The following RAD17 variants were observed in gnomAD, a reference collection of about 807,000 sequenced individuals.
RAD17 encodes cell cycle checkpoint protein RAD17.
In RAD17, 31 loss-of-function variants were observed where a neutral mutation model predicts 81.5. The ratio of observed to expected loss-of-function variants is 0.38; its 90% confidence interval spans 0.29 to 0.51. RAD17 has a LOEUF of 0.51. Ranked by LOEUF, RAD17 falls within the 20% of genes least tolerant of loss-of-function variation. The probability of loss-of-function intolerance (pLI) is 0.88; values close to 1 mark genes in which losing one functional copy is unlikely to be tolerated. For synonymous variants in RAD17, 261 were observed against 266.2 expected, an observed-to-expected ratio of 0.98 and a Z score of 0.19; for missense variants, 681 against 781.2, an observed-to-expected ratio of 0.87 and a Z score of 1.53.
At chr5:69,383,093 A>G (rs1351214779) in intron 7 of RAD17, among the ~76,000 whole-genome samples, 4 of 152,130 alleles carry the variant, frequency 2.6e-5, no homozygotes, top group African/African-American at 7.2e-5. Context: ...AATAGTACCA[A>G]TTTAAAGATG....
intron 18 of RAD17, among the ~76,000 whole-genome samples, chr5:69,411,836 ATTTTTGC>A (rs1766023900): frequency 6.6e-6 from 1 of 152,160 alleles, no homozygotes; most frequent in South Asian, 2.1e-4. Context: ...GTTCTATTGT[ATTTTTGC>A]TCCTGAGATG....
At chr5:69,376,251 T>C (rs1333161094) in intron 6 of RAD17, among the ~76,000 whole-genome samples, 1 of 152,204 alleles carries the variant, frequency 6.6e-6, no homozygotes, top group Non-Finnish European at 1.5e-5. Context: ...CAGTTCTCCA[T>C]CAGTCGTCCA....
rs548815382 is a variant in RAD17 at position 69,398,856 on chromosome 5, G to A, written c.1573-1193G>A. Among the ~76,000 whole-genome samples the A allele has an allele frequency of 5.4e-5, 6 of 111,714 alleles. No individual in the cohort carries two copies. In the South Asian group the frequency reaches 2.0e-3, roughly 37 times the overall value. The allele number at this position is 111,714 out of a possible 152,430, so 73.3% of individuals were successfully genotyped here. On this transcript the variant is annotated intron_variant, in intron 16 of 18. Coordinates refer to ENST00000354868, the MANE Select transcript of RAD17 (RefSeq NM_133338.3). ...TGAATTTCTAGCTTCAGAATTTCTG[G>A]AATCTCCTGGTTAAAAAAAAAAAAA...
At chr5:69,377,695 A>ACATATATATATGCATATATATGTATG (rs1763596828) in intron 6 of RAD17, among the ~76,000 whole-genome samples, 1 of 102,182 alleles carries the variant, frequency 9.8e-6, no homozygotes, top group Non-Finnish European at 2.0e-5. Flanking sequence ...ATATATGTAT[A>ACATATATATATGCATATATATGTATG]CATATATATA....
intron 7 of RAD17, 129 bp from the exon 8 acceptor site, chr5:69,384,668 T>C: frequency 1.2e-6 from 1 of 860,900 alleles, no homozygotes; most frequent in Non-Finnish European, 1.7e-6. Flanking sequence ...ATTTAAATGA[T>C]TTTTCCTAAT....
intron 6 of RAD17, among the ~76,000 whole-genome samples, chr5:69,377,477 A>G (rs1763449607): frequency 1.2e-4 from 1 of 8,114 alleles, no homozygotes; most frequent in African/African-American, 2.0e-4. Flanking sequence ...ATATATATAC[A>G]CACACACACA....
chr5:69,395,249 T>G (rs933526522), intron 15 of RAD17, among the ~76,000 whole-genome samples: 18 of 152,158 alleles, frequency 1.2e-4, no homozygotes, highest in Admixed American at 6.5e-4. Flanking sequence ...TGGTGGTTCC[T>G]GCCAGTAATT....
At chr5:69,396,607 T>C (rs958553059) in intron 16 of RAD17, 61 bp downstream of exon 16, 89 of 1,398,572 alleles carry the variant, frequency 6.4e-5, no homozygotes, top group Non-Finnish European at 8.1e-5. Context: ...ACGTGAATTA[T>C]AACTCAAAGC....
Position 69,414,158 on chromosome 5 carries a change from C to G in RAD17, c.1879C>G (p.Pro627Ala), listed in dbSNP as rs1294058675. Residue 627 changes from proline to alanine, a missense_variant, in exon 19 of 19, where the codon CCG becomes GCG. Pro to Ala is a conservative substitution (Grantham distance 27). Transcript: ENST00000354868. Reference sequence around the variant, plus strand: ...GGGTGAACCCACTCAAGCCACTGTGCCGGAAACCTGGTCTCTTCCTTTGAG... The same window carrying G: ...GGGTGAACCCACTCAAGCCACTGTGGCGGAAACCTGGTCTCTTCCTTTGAG... ...SLGEPTQATV[P>A]ETWSLPLSQN... The G allele has an allele frequency of 6.2e-7, 1 of 1,614,108 alleles. No homozygotes were observed.
Position 69,389,160 on chromosome 5 carries a change from T to TA in RAD17, c.1006+16dup. 6.8e-7 allele frequency: 1 copy of TA among 1,470,068 alleles called. No individual in the cohort carries two copies. The highest frequency in any genetic ancestry group is 9.3e-7 in the Non-Finnish European group (1 of 1,074,716). The allele number at this position is 1,470,068 out of a possible 1,614,324, so 91.1% of individuals were successfully genotyped here. On this transcript the variant is annotated intron_variant, in intron 12 of 18. Transcript: ENST00000354868. ...TTCTTCAAAAGGTAACTATGGAAGA[T>TA]ACAGTCATGTGGCATTATATAGGTG...
At chr5:69,369,404 A>C, upstream of RAD17, 1 of 1,592,354 alleles carries the variant, frequency 6.3e-7, no homozygotes, top group Non-Finnish European at 8.5e-7. Flanking sequence ...CCCGATGCCC[A>C]GAGCACTCTG....
chr5:69,411,546 T>C (rs1580452488), intron 18 of RAD17, among the ~76,000 whole-genome samples: 3 of 152,210 alleles, frequency 2.0e-5, no homozygotes, highest in Non-Finnish European at 2.9e-5. Flanking sequence ...TGTGAGCTTT[T>C]TCCCCCTCTT....
At chr5:69,413,193 C>T (rs1239010260) in intron 18 of RAD17, among the ~76,000 whole-genome samples, 1 of 152,060 alleles carries the variant, frequency 6.6e-6, no homozygotes, top group African/African-American at 2.4e-5. Context: ...GTAATCCCCG[C>T]ACTTTGGGAG....
chr5:69,387,654 T>A (rs1764297405), intron 11 of RAD17, among the ~76,000 whole-genome samples: 2 of 152,152 alleles, frequency 1.3e-5, no homozygotes, highest in Admixed American at 1.3e-4. Context: ...GGTCAGGAGT[T>A]CATGACCAGC....
At chr5:69,378,204 C>T (rs1028490769) in intron 6 of RAD17, among the ~76,000 whole-genome samples, 2 of 152,050 alleles carry the variant, frequency 1.3e-5, no homozygotes, top group Non-Finnish European at 2.9e-5. Flanking sequence ...AATGGGCAAA[C>T]GAAATTTACT....
chr5:69,399,875 A>G (rs549774298), intron 16 of RAD17, among the ~76,000 whole-genome samples, 174 bp from the exon 17 acceptor site: 2 of 152,238 alleles, frequency 1.3e-5, no homozygotes, highest in African/African-American at 4.8e-5. Context: ...AACGATGCTA[A>G]AAAAACTATA....
In RAD17 at chr5:69,384,799, T is replaced by C. The variant is rs1764075922; in HGVS notation, c.511T>C (p.Ser171Pro). Residue 171 changes from serine (S) to proline (P), a missense_variant and splice_region_variant, in exon 8 of 19, where the codon TCA becomes CCA. Transcript: ENST00000354868. ...DDFKGMFNTE[S>P]SFHMFPYQSQ... ...AGTGGTTATGTGTTTCCTTTCAGAA[T>C]CAAGCTTCCATATGTTTCCCTATCA... is the stretch of plus-strand genomic sequence containing the variant. 6.3e-7 allele frequency: 1 copy of C among 1,599,080 alleles called. No homozygotes were observed. Among genetic ancestry groups the C allele is most frequent in the Admixed American group, 1.8e-5 (1 of 56,108 alleles).
At chr5:69,402,234 A>G (rs559744071) in intron 17 of RAD17, among the ~76,000 whole-genome samples, 6 of 151,608 alleles carry the variant, frequency 4.0e-5, no homozygotes, top group African/African-American at 1.4e-4. Flanking sequence ...TATTTTTAGT[A>G]GAGGTGGGGT....
intron 17 of RAD17, among the ~76,000 whole-genome samples, chr5:69,408,760 C>T (rs531481750): frequency 3.7e-4 from 56 of 152,224 alleles, no homozygotes; most frequent in African/African-American, 1.3e-3. Flanking sequence ...ATCCACCCAC[C>T]TTGGCCTCCC....
Sources: allele counts gnomAD v4.1 joint callset (sites outside exome capture counted in the v4.1 genomes callset), GRCh38; gene constraint gnomAD v4.1.1; transcripts MANE v1.5; gene names NCBI Gene and HGNC (gene_info 2026-07-23, HGNC 2026-07-21).